The following ABCA8 variants were observed in gnomAD, a reference collection of about 807,000 sequenced individuals.
ABCA8 encodes ATP binding cassette subfamily A member 8.
A neutral mutation model predicts 192.3 loss-of-function variants in ABCA8; 177 were observed. The observed-to-expected ratio is 0.92, with a 90% CI of 0.81 to 1.04. The LOEUF is 1.04. Ranked by LOEUF, ABCA8 falls within the 50% of genes least tolerant of loss-of-function variation. The pLI is 0.00. For synonymous variants in ABCA8, 642 were observed against 690.2 expected, an observed-to-expected ratio of 0.93 and a Z score of 1.09; for missense variants, 1,915 against 1,904.8, an observed-to-expected ratio of 1.01 and a Z score of -0.10.
chr17:68,912,727 G>A (rs1406973711), intron 17 of ABCA8, among the ~76,000 whole-genome samples: 5 of 152,032 alleles, frequency 3.3e-5, no homozygotes, highest in Admixed American at 3.3e-4. Context: ...CCCAACACTG[G>A]AGCACCCAGA....
chr17:68,920,255 G>C (rs2067497753), intron 13 of ABCA8, among the ~76,000 whole-genome samples: 1 of 152,086 alleles, frequency 6.6e-6, no homozygotes, highest in African/African-American at 2.4e-5. Context: ...TACTTGATGG[G>C]GGAGGGTTGC....
chr17:68,898,137 A>C (rs1311472063), intron 21 of ABCA8, among the ~76,000 whole-genome samples: 2 of 152,160 alleles, frequency 1.3e-5, no homozygotes, highest in Non-Finnish European at 2.9e-5. Flanking sequence ...CTGATTTCTC[A>C]TCAGAAACAA....
At chr17:68,909,117 T>C (rs1034837128) in intron 17 of ABCA8, among the ~76,000 whole-genome samples, 2 of 152,216 alleles carry the variant, frequency 1.3e-5, no homozygotes, top group African/African-American at 4.8e-5. Context: ...TTAAGAATTA[T>C]TCCTTGGCCA....
At chr17:68,920,254 G>A (rs1366276360) in intron 13 of ABCA8, among the ~76,000 whole-genome samples, 1 of 152,080 alleles carries the variant, frequency 6.6e-6, no homozygotes. Flanking sequence ...CTACTTGATG[G>A]GGGAGGGTTG....
At chr17:68,932,246 C>T in intron 7 of ABCA8, 42 bp downstream of exon 7, 1 of 1,471,494 alleles carries the variant, frequency 6.8e-7, no homozygotes, top group Non-Finnish European at 9.3e-7. Context: ...CCCAGTTTTC[C>T]TGAGTTCCTC....
At chr17:68,886,178 G>A (rs1383154499) in intron 26 of ABCA8, among the ~76,000 whole-genome samples, 1 of 152,126 alleles carries the variant, frequency 6.6e-6, no homozygotes, top group Non-Finnish European at 1.5e-5. Context: ...TCATTTTTAT[G>A]GCTATCAAAG....
chr17:68,897,496 C>A (rs2066796446), intron 21 of ABCA8, among the ~76,000 whole-genome samples: 2 of 152,100 alleles, frequency 1.3e-5, no homozygotes, highest in Admixed American at 1.3e-4. Flanking sequence ...AAGTAGGCAA[C>A]AAGAACTGCC....
chr17:68,917,293 T>C, intron 17 of ABCA8, 68 bp downstream of exon 17: 1 of 902,000 alleles, frequency 1.1e-6, no homozygotes, highest in Non-Finnish European at 1.7e-6. Context: ...TCTTGTGTGT[T>C]GTAATGTTTT....
In ABCA8 at chr17:68,883,774, G is replaced by A; in HGVS notation, c.3707+17C>T. 6.9e-7 allele frequency: 1 copy of A among 1,451,666 alleles called. No homozygotes were observed. The allele number at this position is 1,451,666 out of a possible 1,614,324, so 89.9% of individuals were successfully genotyped here. On this transcript the variant is annotated intron_variant, in intron 29 of 39. Coordinates refer to ENST00000586539, the MANE Select transcript of ABCA8 (RefSeq NM_001288985.2). ...ATATTGATCAACAAAATAAAAATCT[G>A]ATGTGTTTTTTCCAACCTAAAGAAA... is the stretch of plus-strand genomic sequence containing the variant.
intron 21 of ABCA8, among the ~76,000 whole-genome samples, chr17:68,896,382 A>T (rs2066758873): frequency 6.6e-6 from 1 of 152,222 alleles, no homozygotes; most frequent in Non-Finnish European, 1.5e-5. Context: ...GTGCTCCCTT[A>T]TCCATGGTTT....
chr17:68,868,218 A>G (rs2065963494), intron 39 of ABCA8, 35 bp from the exon 40 acceptor site: 2 of 1,607,476 alleles, frequency 1.2e-6, no homozygotes, highest in African/African-American at 2.7e-5. Flanking sequence ...AGAGGAGAAC[A>G]ATGCCGTGCT....
chr17:68,889,766 C>G (rs1307214458), intron 24 of ABCA8, among the ~76,000 whole-genome samples: 1 of 152,102 alleles, frequency 6.6e-6, no homozygotes, highest in East Asian at 1.9e-4. Flanking sequence ...TTTTACCTTT[C>G]TAAGAATTTT....
At chr17:68,881,242 T>C (rs2066327996) in intron 31 of ABCA8, 31 bp from the exon 32 acceptor site, 2 of 1,410,516 alleles carry the variant, frequency 1.4e-6, no homozygotes, top group South Asian at 1.2e-5. Flanking sequence ...AATATTAATC[T>C]ATTTTAATGG....
At chr17:68,881,808 CCAGGAA>C in intron 31 of ABCA8, 49 bp downstream of exon 31, 1 of 1,297,544 alleles carries the variant, frequency 7.7e-7, no homozygotes, top group East Asian at 2.3e-5. Context: ...TCATTAGGAA[CCAGGAA>C]CCTCTGAGGA....
chr17:68,928,913 C>T, intron 9 of ABCA8, 136 bp downstream of exon 9: 1 of 706,670 alleles, frequency 1.4e-6, no homozygotes, highest in Non-Finnish European at 2.0e-6. Context: ...AAAGTTCTGT[C>T]TTTGCAACTT....
At chr17:68,885,676 T>C (rs982085653) in intron 26 of ABCA8, among the ~76,000 whole-genome samples, 2 of 151,994 alleles carry the variant, frequency 1.3e-5, no homozygotes, top group African/African-American at 4.8e-5. Context: ...GACTCCCGGA[T>C]AGCTGGGACT....
chr17:68,917,504 T>C, intron 16 of ABCA8, 53 bp from the exon 17 acceptor site: 1 of 1,343,944 alleles, frequency 7.4e-7, no homozygotes, highest in Non-Finnish European at 1.0e-6. Flanking sequence ...GGCCCATCCA[T>C]TTCCAAGAAA....
At chr17:68,926,887 C>G (rs1200949198) in intron 10 of ABCA8, among the ~76,000 whole-genome samples, 3 of 152,158 alleles carry the variant, frequency 2.0e-5, no homozygotes, top group Non-Finnish European at 4.4e-5. Context: ...ATAAAGGGCC[C>G]TTGGCATTCT....
At chr17:68,888,835 G>T (rs1344510246) in intron 24 of ABCA8, among the ~76,000 whole-genome samples, 2 of 152,150 alleles carry the variant, frequency 1.3e-5, no homozygotes, top group Non-Finnish European at 2.9e-5. Flanking sequence ...AAGCCATAGA[G>T]CTAGATGGGT....
Sources: allele counts gnomAD v4.1 joint callset (sites outside exome capture counted in the v4.1 genomes callset), GRCh38; gene constraint gnomAD v4.1.1; transcripts MANE v1.5; gene names NCBI Gene and HGNC (gene_info 2026-07-23, HGNC 2026-07-21).